Variants in PTPRO observed in about 807,000 individuals in gnomAD.
The protein encoded by PTPRO is receptor-type tyrosine-protein phosphatase O.
PTPRO carries 62 observed loss-of-function variants against 145.2 expected under a neutral mutation model. The ratio of observed to expected loss-of-function variants is 0.43; its 90% CI spans 0.35 to 0.53. The LOEUF (loss-of-function observed/expected upper bound fraction) is 0.53. Ranked by LOEUF, PTPRO falls within the 20% of genes least tolerant of loss-of-function variation. PTPRO has a pLI of 0.01. For missense variants in PTPRO, 1,345 were observed against 1,482.7 expected (o/e 0.91, Z 1.53); for synonymous variants, 565 against 514.7 (o/e 1.10, Z -1.32).
In PTPRO at chr12:15,499,210, T is replaced by G. The variant is rs373974538; in HGVS notation, c.509-232T>G. 3.9e-4 allele frequency among the ~76,000 whole-genome samples: 60 copies of G among 152,310 alleles called. 1 individual carries two copies. The South Asian group carries it at 0.011, about 28-fold the overall frequency. On this transcript the variant is annotated intron_variant, in intron 3 of 26. Transcript: ENST00000281171. ...AAGTTCCTATCACAAAAAGGTTAACTCCAATTGTGTTTGATCTGCTTAGGA... is the reference window on the plus strand; with the variant it reads ...AAGTTCCTATCACAAAAAGGTTAACGCCAATTGTGTTTGATCTGCTTAGGA...
intron 1 of PTPRO, among the ~76,000 whole-genome samples, chr12:15,370,338 T>C (rs11611783): frequency 0.17 from 25,620 of 151,920 alleles, 5,127 homozygotes; most frequent in African/African-American, 0.48. Context: ...TTAATACCAA[T>C]TTCACATCTG....
At chr12:15,332,365 T>C (rs1349112654) in intron 1 of PTPRO, among the ~76,000 whole-genome samples, 1 of 152,234 alleles carries the variant, frequency 6.6e-6, no homozygotes, top group Non-Finnish European at 1.5e-5. Context: ...GAGAATTTGC[T>C]TGGAAAGCAA....
chr12:15,531,644 T>A (rs1448759822), intron 12 of PTPRO, among the ~76,000 whole-genome samples: 1 of 152,136 alleles, frequency 6.6e-6, no homozygotes, highest in East Asian at 1.9e-4. Flanking sequence ...CCACAGACAA[T>A]GGAGGATGGA....
intron 1 of PTPRO, among the ~76,000 whole-genome samples, chr12:15,419,613 C>T (rs1377868605): frequency 6.6e-6 from 1 of 151,686 alleles, no homozygotes; most frequent in Non-Finnish European, 1.5e-5. Flanking sequence ...AAACAGACTA[C>T]AGCAAGAAAA....
Position 15,501,847 on chromosome 12 carries a change from C to A in PTPRO, c.889C>A (p.Pro297Thr), listed in dbSNP as rs1942228085. Residue 297 changes from proline (P) to threonine (T), a missense_variant, in exon 5 of 27, where the codon CCA becomes ACA. Physicochemically the swap from Pro to Thr is conservative, Grantham distance 38. Transcript: ENST00000281171. The stretch of plus-strand genomic sequence containing the variant: ...CAGTGACTATGAAACTACGTCTCAG[C>A]CATATTGGTGGGACAGTGCATCTGC... ...NSSDYETTSQ[P>T]YWWDSASAAP... The A allele has an allele frequency of 1.9e-6, 3 of 1,614,070 alleles. No homozygotes were observed. Among genetic ancestry groups the A allele is most frequent in the Non-Finnish European group, 2.5e-6 (3 of 1,180,006 alleles).
intron 1 of PTPRO, among the ~76,000 whole-genome samples, chr12:15,421,194 T>C (rs969091969): frequency 6.6e-5 from 10 of 152,336 alleles, no homozygotes; most frequent in African/African-American, 2.4e-4. Context: ...ACAGTTCCTT[T>C]TACATCCCTA....
intron 1 of PTPRO, among the ~76,000 whole-genome samples, chr12:15,373,219 G>A (rs1005379283): frequency 1.3e-5 from 2 of 152,192 alleles, no homozygotes; most frequent in Non-Finnish European, 2.9e-5. Flanking sequence ...TCACCAAGTT[G>A]ATTGTAGGCT....
At chr12:15,432,711 G>A (rs11832869) in intron 1 of PTPRO, among the ~76,000 whole-genome samples, 2,156 of 152,244 alleles carry the variant, frequency 0.014, 59 homozygotes, top group African/African-American at 0.049. Context: ...GGTGTGAGAC[G>A]GCATCTCATT....
chr12:15,411,604 C>T (rs551736677), intron 1 of PTPRO, among the ~76,000 whole-genome samples: 4 of 152,306 alleles, frequency 2.6e-5, no homozygotes, highest in African/African-American at 9.6e-5. Flanking sequence ...CGTCTCACTA[C>T]CACTCCAAAG....
rs1273853792 is a variant in PTPRO at position 15,565,463 on chromosome 12, A to G, written c.2712-130A>G. On this transcript the variant is annotated intron_variant, in intron 17 of 26. Transcript: ENST00000281171. ...ATGTAAGGAAAAGTAAACAAACCTG[A>G]TATGTGTTTAATGAAAATTAAATAA... 6.3e-6 allele frequency: 4 copies of G among 633,278 alleles called. No individual in the cohort carries two copies. In the Admixed American group the frequency reaches 1.0e-4, roughly 16 times the overall value. The allele number at this position is 633,278 out of a possible 1,614,324, so 39.2% of individuals were successfully genotyped here.
chr12:15,409,117 G>A (rs1939725587), intron 1 of PTPRO, among the ~76,000 whole-genome samples: 1 of 152,014 alleles, frequency 6.6e-6, no homozygotes, highest in South Asian at 2.1e-4. Flanking sequence ...TAAGTCAGAT[G>A]ATCTAAGTTA....
intron 1 of PTPRO, among the ~76,000 whole-genome samples, chr12:15,416,960 G>T (rs963287409): frequency 3.3e-5 from 5 of 151,446 alleles, no homozygotes; most frequent in African/African-American, 1.2e-4. Flanking sequence ...ATTAAGGTTC[G>T]GTCTATACAC....
At chr12:15,581,033 A>C (rs1591764928) in intron 22 of PTPRO, among the ~76,000 whole-genome samples, 1 of 152,366 alleles carries the variant, frequency 6.6e-6, no homozygotes, top group East Asian at 1.9e-4. Context: ...TAAAGGAAAA[A>C]AGAGAAGGTT....
At chr12:15,485,715 A>G (rs1941871587) in intron 2 of PTPRO, among the ~76,000 whole-genome samples, 1 of 152,184 alleles carries the variant, frequency 6.6e-6, no homozygotes, top group Non-Finnish European at 1.5e-5. Flanking sequence ...CTAACTGTTC[A>G]TGAAGAAATT....
chr12:15,443,207 TTTGACAAAG>T (rs1160884310), intron 1 of PTPRO, among the ~76,000 whole-genome samples: 5 of 152,116 alleles, frequency 3.3e-5, no homozygotes, highest in Non-Finnish European at 7.4e-5. Flanking sequence ...CCATCTGATC[TTTGACAAAG>T]TTGACAAAAA....
At chr12:15,590,876 G>C (rs749121199) in intron 25 of PTPRO, among the ~76,000 whole-genome samples, 1 of 152,164 alleles carries the variant, frequency 6.6e-6, no homozygotes, top group Non-Finnish European at 1.5e-5. Context: ...GGAGTCCACT[G>C]TCTGGTGAGT....
At chr12:15,556,573 G>A (rs1943633016) in intron 15 of PTPRO, among the ~76,000 whole-genome samples, 1 of 151,242 alleles carries the variant, frequency 6.6e-6, no homozygotes, top group African/African-American at 2.4e-5. Context: ...CCGGACAGTA[G>A]GCACACCAGA....
chr12:15,459,855 A>G (rs1004770120), intron 1 of PTPRO, among the ~76,000 whole-genome samples: 5 of 152,230 alleles, frequency 3.3e-5, no homozygotes, highest in Admixed American at 3.3e-4. Context: ...ATTTTTAATC[A>G]CAAAGCTGGT....
At chr12:15,563,231 T>A (rs1347979115) in intron 17 of PTPRO, among the ~76,000 whole-genome samples, 1 of 152,096 alleles carries the variant, frequency 6.6e-6, no homozygotes, top group East Asian at 1.9e-4. Context: ...GTATGTCTGA[T>A]GGGGGTTATT....
Sources: allele counts gnomAD v4.1 joint callset (sites outside exome capture counted in the v4.1 genomes callset), GRCh38; gene constraint gnomAD v4.1.1; transcripts MANE v1.5; gene names NCBI Gene and HGNC (gene_info 2026-07-23, HGNC 2026-07-21).